DLGAP2: variants seen among roughly 807,000 people sequenced by gnomAD.
DLGAP2 encodes disks large-associated protein 2.
A neutral mutation model predicts 100.3 loss-of-function variants in DLGAP2; 26 were observed. That is an observed-to-expected ratio of 0.26 (90% confidence interval 0.19 to 0.36). DLGAP2 has a LOEUF of 0.36. DLGAP2 is among the 10% of genes least tolerant of loss of function. DLGAP2 has a pLI of 1.00. For missense variants in DLGAP2, 1,858 were observed against 1,453.2 expected (o/e 1.28, Z -4.53); for synonymous variants, 886 against 630.1 (o/e 1.41, Z -6.08).
At chr8:1,113,676 G>C (rs530505492) in intron 2 of DLGAP2, among the ~76,000 whole-genome samples, 1 of 152,136 alleles carries the variant, frequency 6.6e-6, no homozygotes, top group East Asian at 1.9e-4. Context: ...CTTTCTGCTT[G>C]GATGCCCTTT....
At chr8:1,324,936 C>T (rs1176354226) in intron 3 of DLGAP2, among the ~76,000 whole-genome samples, 1 of 152,202 alleles carries the variant, frequency 6.6e-6, no homozygotes, top group Non-Finnish European at 1.5e-5. Flanking sequence ...CTGCTTGGCT[C>T]AGCCTTGCCC....
chr8:1,173,035 A>C (rs898506985), intron 2 of DLGAP2, among the ~76,000 whole-genome samples: 2 of 151,900 alleles, frequency 1.3e-5, no homozygotes, highest in Non-Finnish European at 2.9e-5. Flanking sequence ...GTCTTTGATG[A>C]TGGTGATGTA....
chr8:1,492,664 C>T (rs2130288805), intron 3 of DLGAP2, among the ~76,000 whole-genome samples: 1 of 152,358 alleles, frequency 6.6e-6, no homozygotes, highest in African/African-American at 2.4e-5. Context: ...CCTGACCCCT[C>T]CTCACAGCCG....
At chr8:1,184,124 C>G (rs946051105) in intron 2 of DLGAP2, among the ~76,000 whole-genome samples, 1 of 152,176 alleles carries the variant, frequency 6.6e-6, no homozygotes, top group Non-Finnish European at 1.5e-5. Context: ...GTGTTTAAAG[C>G]CACTTGATGT....
intron 3 of DLGAP2, among the ~76,000 whole-genome samples, chr8:1,361,488 C>T (rs982157056): frequency 1.3e-5 from 2 of 152,234 alleles, no homozygotes; most frequent in Non-Finnish European, 2.9e-5. Flanking sequence ...AGGTAACACA[C>T]GGCTCTGTAG....
At chr8:973,899 C>T (rs923441115) in intron 2 of DLGAP2, among the ~76,000 whole-genome samples, 9 of 143,364 alleles carry the variant, frequency 6.3e-5, no homozygotes, top group South Asian at 2.1e-4. Flanking sequence ...CCGCCACCGC[C>T]GCCACCGCCA....
intron 2 of DLGAP2, among the ~76,000 whole-genome samples, chr8:1,116,309 G>T (rs558234746): frequency 6.6e-6 from 1 of 152,348 alleles, no homozygotes; most frequent in African/African-American, 2.4e-5. Context: ...AGCACCAGCT[G>T]TGTCTCAGCC....
In DLGAP2 at chr8:971,433, G is replaced by A. The variant is rs151233543; in HGVS notation, c.73+63467G>A. ...AGGGCACGTGTTCCTCCCCAAAATT[G>A]GAGCAACCAGCAGATGGATGCAGGA... On this transcript the variant is annotated intron_variant, in intron 2 of 14. Transcript: ENST00000637795. Among the ~76,000 whole-genome samples, 56 of 152,250 alleles carry A rather than the reference G, an allele frequency of 3.7e-4. 1 individual carries two copies. Among genetic ancestry groups the A allele is most frequent in the African/African-American group, 6.5e-4 (27 of 41,548 alleles).
At chr8:768,418 A>ATTTTTTTTT (rs58234397) in intron 1 of DLGAP2, among the ~76,000 whole-genome samples, 1 of 99,960 alleles carries the variant, frequency 1.0e-5, no homozygotes, top group Non-Finnish European at 1.9e-5. Context: ...GAAGGCGTTG[A>ATTTTTTTTT]TTTTTTTTTT....
rs1157318589 is a variant in DLGAP2, at chr8:1,554,284, T to C, written c.1230+4601T>C. On this transcript the variant is annotated intron_variant, in intron 5 of 14. Transcript: ENST00000637795. ...GCCTGGGTGACAGAGCAAGACTCCA[T>C]CTCTAAATAAATAAATTAATTAAAT... 2.1e-5 allele frequency among the ~76,000 whole-genome samples: 3 copies of C among 142,390 alleles called. No homozygotes were observed. In the East Asian group the frequency reaches 6.0e-4, roughly 28 times the overall value. 93.4% of individuals were successfully genotyped at this position (142,390 alleles called of 152,430 possible). A position where few individuals can be genotyped will look rare whatever the true frequency, so the allele number is the denominator to read the frequency against.
At chr8:906,557 T>C (rs1227578967) in intron 1 of DLGAP2, among the ~76,000 whole-genome samples, 2 of 152,178 alleles carry the variant, frequency 1.3e-5, no homozygotes, top group Non-Finnish European at 2.9e-5. Context: ...GTTCTTGCAC[T>C]GTTGGGCATG....
intron 1 of DLGAP2, among the ~76,000 whole-genome samples, chr8:764,926 A>G (rs1821173208): frequency 6.6e-6 from 1 of 152,256 alleles, no homozygotes; most frequent in Non-Finnish European, 1.5e-5. Flanking sequence ...AGATTCAAGG[A>G]GAAAAATGAA....
chr8:1,629,781 C>T lies in DLGAP2; in HGVS notation c.1590+2894C>T, dbSNP rs546687906. 8.5e-4 allele frequency among the ~76,000 whole-genome samples: 130 copies of T among 152,312 alleles called. 2 individuals carry two copies. The South Asian group carries it at 0.01, about 12-fold the overall frequency. On this transcript the variant is annotated intron_variant, in intron 7 of 14. Coordinates refer to ENST00000637795, the MANE Select transcript of DLGAP2 (RefSeq NM_001346810.2). ...GTGAACGTTCATCTCTAATACTTTT[C>T]CACAAACAACTTTCAATTAAATGGA...
chr8:1,428,503 T>C (rs933527551), intron 3 of DLGAP2, among the ~76,000 whole-genome samples: 40 of 152,264 alleles, frequency 2.6e-4, no homozygotes, highest in African/African-American at 9.4e-4. Flanking sequence ...GAATGATATA[T>C]TCTTGGTAAC....
At chr8:1,569,817 C>A (rs1044740254) in intron 6 of DLGAP2, among the ~76,000 whole-genome samples, 5 of 152,002 alleles carry the variant, frequency 3.3e-5, no homozygotes, top group African/African-American at 1.2e-4. Flanking sequence ...CAGGGTAGAT[C>A]TTCACCCTGT....
intron 8 of DLGAP2, among the ~76,000 whole-genome samples, chr8:1,663,086 T>C (rs1043147459): frequency 2.4e-5 from 3 of 122,750 alleles, no homozygotes; most frequent in Non-Finnish European, 4.8e-5. Flanking sequence ...CGTTTGTACA[T>C]GTGTGTGGGG....
chr8:1,685,835 C>G (rs1313176009), intron 12 of DLGAP2, among the ~76,000 whole-genome samples: 1 of 152,122 alleles, frequency 6.6e-6, no homozygotes, highest in African/African-American at 2.4e-5. Context: ...GATTCACCAC[C>G]ACTAACCATC....
At chr8:1,109,161 G>T (rs1804875784) in intron 2 of DLGAP2, among the ~76,000 whole-genome samples, 2 of 88,836 alleles carry the variant, frequency 2.3e-5, no homozygotes, top group Non-Finnish European at 4.5e-5. Context: ...GGTGTGCACG[G>T]GTCTGTGAGG....
intron 3 of DLGAP2, among the ~76,000 whole-genome samples, chr8:1,443,870 T>C (rs1797908923): frequency 6.6e-6 from 1 of 152,200 alleles, no homozygotes; most frequent in Admixed American, 6.5e-5. Context: ...GGCTAAAATG[T>C]TCAGGGTGAG....
Sources: allele counts gnomAD v4.1 joint callset (sites outside exome capture counted in the v4.1 genomes callset), GRCh38; gene constraint gnomAD v4.1.1; transcripts MANE v1.5; gene names NCBI Gene and HGNC (gene_info 2026-07-23, HGNC 2026-07-21).